Variants in PCDH11X observed in about 807,000 individuals in gnomAD.
PCDH11X encodes the protein protocadherin-11 X-linked.
A neutral mutation model predicts 53.3 loss-of-function variants in PCDH11X; 18 were observed. That is an observed-to-expected ratio of 0.34 (90% confidence interval 0.23 to 0.50). The LOEUF is 0.50. PCDH11X is among the 20% of genes least tolerant of loss of function. The pLI is 0.98. For synonymous variants in PCDH11X, 279 were observed against 393.3 expected (o/e 0.71, Z 3.44); for missense variants, 570 against 1,032.4 (o/e 0.55, Z 6.14).
chrX:92,070,974 T>G (rs1465511536), intron 6 of PCDH11X, among the ~76,000 whole-genome samples: 1 of 109,357 alleles, frequency 9.1e-6, no homozygotes, highest in African/African-American at 3.3e-5. Flanking sequence ...TAATTTTTTT[T>G]TTTTGTATTT....
At chrX:92,406,559 T>C (rs1049800629) in intron 9 of PCDH11X, among the ~76,000 whole-genome samples, 1 of 98,211 alleles carries the variant, frequency 1.0e-5, no homozygotes, top group African/African-American at 3.8e-5. Flanking sequence ...TACATAATTG[T>C]TTCTATCCTC....
chrX:92,236,706 A>G (rs1877008237), intron 7 of PCDH11X, among the ~76,000 whole-genome samples: 1 of 111,900 alleles, frequency 8.9e-6, no homozygotes, highest in South Asian at 3.7e-4. Context: ...CTTATGCATT[A>G]TGTTACTATG....
intron 6 of PCDH11X, among the ~76,000 whole-genome samples, chrX:91,980,551 T>C (rs1178168818): frequency 9.0e-6 from 1 of 111,130 alleles, no homozygotes; most frequent in Non-Finnish European, 1.9e-5. Flanking sequence ...GCAATCCTCC[T>C]GCCTCAGCCT....
Position 92,544,352 on chromosome X carries a change from A to C in PCDH11X, c.3368-73912A>C, listed in dbSNP as rs947516870. Reference sequence around the variant, plus strand: ...CCTGCATAATAAATAGGTTTTATGAAAAACACAGCCTTTGGAGAATACAAG... The same window carrying C: ...CCTGCATAATAAATAGGTTTTATGACAAACACAGCCTTTGGAGAATACAAG... On this transcript the variant is annotated intron_variant, in intron 10 of 10. Coordinates refer to ENST00000682573, the MANE Select transcript of PCDH11X (RefSeq NM_032968.5). Among the ~76,000 whole-genome samples, 4 of 111,832 alleles carry C rather than the reference A, an allele frequency of 3.6e-5. No individual in the cohort carries two copies. The Admixed American group carries it at 3.8e-4, about 11-fold the overall frequency.
At chrX:91,862,181 TC>T (rs1938711302) in intron 5 of PCDH11X, among the ~76,000 whole-genome samples, 1 of 110,399 alleles carries the variant, frequency 9.1e-6, no homozygotes. Context: ...TGGTATTAGT[TC>T]TTGTTTGAAT....
intron 9 of PCDH11X, among the ~76,000 whole-genome samples, chrX:92,412,883 C>G (rs2071721563): frequency 9.1e-6 from 1 of 109,814 alleles, no homozygotes; most frequent in Admixed American, 9.8e-5. Context: ...TTCGTATGTA[C>G]ATGATCATAT....
intron 10 of PCDH11X, among the ~76,000 whole-genome samples, chrX:92,570,443 C>T (rs1182785117): frequency 9.0e-6 from 1 of 111,643 alleles, no homozygotes; most frequent in Non-Finnish European, 1.9e-5. Flanking sequence ...TGTGAATCAA[C>T]AGAATTTCTA....
chrX:92,565,588 C>A (rs1427726499), intron 10 of PCDH11X, among the ~76,000 whole-genome samples: 59 of 89,711 alleles, frequency 6.6e-4, no homozygotes, highest in African/African-American at 2.2e-3. Flanking sequence ...AAAGTCAAAA[C>A]AATTAAGTTT....
At chrX:92,110,545 G>T (rs753534380) in intron 6 of PCDH11X, among the ~76,000 whole-genome samples, 1 of 110,753 alleles carries the variant, frequency 9.0e-6, no homozygotes, top group South Asian at 3.9e-4. Context: ...ATAAACAAGG[G>T]GGGGGCAGAG....
chrX:92,418,188 T>C (rs1210241332), intron 9 of PCDH11X, among the ~76,000 whole-genome samples: 3 of 104,274 alleles, frequency 2.9e-5, no homozygotes, highest in African/African-American at 1.0e-4. Flanking sequence ...ACTAGTAGTT[T>C]CCACTAGTTT....
chrX:91,999,168 A>G (rs776948987), intron 6 of PCDH11X, among the ~76,000 whole-genome samples: 1 of 110,688 alleles, frequency 9.0e-6, no homozygotes, highest in Non-Finnish European at 1.9e-5. Flanking sequence ...TCCTGCCTCA[A>G]CCTTCCAAAG....
intron 8 of PCDH11X, among the ~76,000 whole-genome samples, chrX:92,309,986 T>C (rs1355492204): frequency 8.9e-6 from 1 of 112,433 alleles, no homozygotes; most frequent in African/African-American, 3.2e-5. Flanking sequence ...AAGAAAAGTT[T>C]GGTTCAATTT....
At chrX:92,134,111 A>T (rs2065042615) in intron 6 of PCDH11X, among the ~76,000 whole-genome samples, 1 of 111,366 alleles carries the variant, frequency 9.0e-6, no homozygotes, top group Admixed American at 9.7e-5. Context: ...ATTTACAGGA[A>T]TAATCATTTA....
intron 6 of PCDH11X, among the ~76,000 whole-genome samples, chrX:92,056,982 A>G (rs1256475022): frequency 9.0e-6 from 1 of 111,092 alleles, no homozygotes; most frequent in African/African-American, 3.3e-5. Context: ...GACAAAGATA[A>G]CTAGTTGCGT....
rs189205237 is a variant in PCDH11X, at chrX:92,180,757, C to T, written c.3034-20618C>T. ...AGGAGTTCCCCTGCACAAGCTCTCG[C>T]TCTTTGCGAACTGTGATCCATGTAA... On this transcript the variant is annotated intron_variant, in intron 6 of 10. Coordinates refer to ENST00000682573, the MANE Select transcript of PCDH11X (RefSeq NM_032968.5). 9.8e-5 allele frequency among the ~76,000 whole-genome samples: 11 copies of T among 111,972 alleles called. No homozygotes were observed. The East Asian group carries it at 1.1e-3, about 12-fold the overall frequency.
chrX:91,783,495 G>A lies in PCDH11X; in HGVS notation c.-379+3811G>A, dbSNP rs1172285755. On this transcript the variant is annotated intron_variant, in intron 1 of 10. Coordinates refer to ENST00000682573, the MANE Select transcript of PCDH11X (RefSeq NM_032968.5). ...CAAAACTTTATTTTTTTTTTTGCGA[G>A]ATAGAAATTCTTGATAGAGAGCTTC... 2.7e-5 allele frequency among the ~76,000 whole-genome samples: 3 copies of A among 111,453 alleles called. No homozygotes were observed. In the Admixed American group the frequency reaches 2.9e-4, roughly 11 times the overall value.
At chrX:92,398,722 G>A (rs1427853896) in intron 9 of PCDH11X, among the ~76,000 whole-genome samples, 1 of 111,161 alleles carries the variant, frequency 9.0e-6, no homozygotes, top group Non-Finnish European at 1.9e-5. Flanking sequence ...GCCTAGAATA[G>A]AATATCAAGT....
chrX:91,786,172 G>A (rs1177871659), intron 1 of PCDH11X, among the ~76,000 whole-genome samples: 2 of 108,854 alleles, frequency 1.8e-5, no homozygotes, highest in Non-Finnish European at 3.8e-5. Flanking sequence ...TCTCTAATGT[G>A]TTATGCACTG....
At chrX:91,819,650 TTTTTTATTTTTA>T (rs1184605534) in intron 4 of PCDH11X, among the ~76,000 whole-genome samples, 2 of 109,259 alleles carry the variant, frequency 1.8e-5, no homozygotes, top group African/African-American at 3.3e-5. Context: ...TTCCTTTCTT[TTTTTTATTTTTA>T]TTTTTATTTT....
Sources: allele counts gnomAD v4.1 joint callset (sites outside exome capture counted in the v4.1 genomes callset), GRCh38; gene constraint gnomAD v4.1.1; transcripts MANE v1.5; gene names NCBI Gene and HGNC (gene_info 2026-07-23, HGNC 2026-07-21).